The following ANGPT1 variants were observed in gnomAD, a reference collection of about 807,000 sequenced individuals.
ANGPT1 encodes angiopoietin 1, also known as angiopoietin-1.
ANGPT1 carries 17 observed loss-of-function variants against 62.2 expected under a neutral mutation model. The observed-to-expected ratio is 0.27, with a 90% CI of 0.19 to 0.41. ANGPT1 has a LOEUF of 0.41. Among genes scored for constraint, ANGPT1 ranks in the 10% least tolerant of loss-of-function variants. The probability of loss-of-function intolerance (pLI) is 1.00; values close to 1 mark genes in which losing one functional copy is unlikely to be tolerated. For missense variants in ANGPT1, 478 were observed against 594.9 expected, an observed-to-expected ratio of 0.80 and a Z score of 2.04; for synonymous variants, 199 against 198.9, an observed-to-expected ratio of 1.00 and a Z score of 0.00.
intron 1 of ANGPT1, among the ~76,000 whole-genome samples, chr8:107,450,038 A>T (rs1202782194): frequency 6.6e-6 from 1 of 152,020 alleles, no homozygotes; most frequent in African/African-American, 2.4e-5. Flanking sequence ...AAAATATGAA[A>T]ATTAGTGTTT....
chr8:107,426,855 C>T (rs980069437), intron 1 of ANGPT1, among the ~76,000 whole-genome samples: 4 of 152,208 alleles, frequency 2.6e-5, no homozygotes, highest in Admixed American at 2.0e-4. Context: ...ACAAACACTA[C>T]TCTTTTTCAA....
At chr8:107,475,543 A>G (rs1326949319) in intron 1 of ANGPT1, among the ~76,000 whole-genome samples, 1 of 152,238 alleles carries the variant, frequency 6.6e-6, no homozygotes, top group Non-Finnish European at 1.5e-5. Flanking sequence ...CTTCATGTCT[A>G]AAACACCAAA....
chr8:107,283,874 T>G (rs1156653427), intron 7 of ANGPT1: 1 of 152,124 alleles, frequency 6.6e-6, no homozygotes, highest in Non-Finnish European at 1.5e-5. Flanking sequence ...TGCCAGCCAG[T>G]TTTTAGTGAC....
At chr8:107,339,497 C>A (rs765395511) in intron 2 of ANGPT1, among the ~76,000 whole-genome samples, 3 of 152,166 alleles carry the variant, frequency 2.0e-5, no homozygotes, top group African/African-American at 7.2e-5. Context: ...CTGATTTCTT[C>A]TCATCATCTT....
chr8:107,367,722 A>G (rs183248959), intron 1 of ANGPT1, among the ~76,000 whole-genome samples: 30 of 152,354 alleles, frequency 2.0e-4, no homozygotes, highest in Non-Finnish European at 1.5e-4. Context: ...CATTTCAACA[A>G]TGTTCATGGT....
intron 1 of ANGPT1, among the ~76,000 whole-genome samples, chr8:107,375,734 A>G (rs1307107667): frequency 6.6e-6 from 1 of 152,148 alleles, no homozygotes; most frequent in Non-Finnish European, 1.5e-5. Flanking sequence ...AGCAGAGAGG[A>G]AAGTACCAGC....
chr8:107,335,559 G>C (rs1032785403), intron 3 of ANGPT1, among the ~76,000 whole-genome samples: 1 of 152,132 alleles, frequency 6.6e-6, no homozygotes, highest in African/African-American at 2.4e-5. Context: ...TATAAAACAA[G>C]ATGGTGTGAT....
chr8:107,263,438 G>A (rs1813543337), intron 8 of ANGPT1, among the ~76,000 whole-genome samples: 2 of 150,628 alleles, frequency 1.3e-5, no homozygotes, highest in African/African-American at 4.9e-5. Context: ...TTTTAGGTAT[G>A]TGCCATTGCT....
intron 1 of ANGPT1, among the ~76,000 whole-genome samples, chr8:107,438,003 C>T (rs1273531748): frequency 1.3e-5 from 2 of 152,164 alleles, no homozygotes; most frequent in African/African-American, 4.8e-5. Context: ...CTAGCACACT[C>T]TGGCGTGGAG....
intron 7 of ANGPT1, among the ~76,000 whole-genome samples, chr8:107,279,644 C>G (rs535135321): frequency 6.6e-6 from 1 of 151,970 alleles, no homozygotes; most frequent in East Asian, 1.9e-4. Flanking sequence ...ATATAGCTAG[C>G]TTAGTCAGTA....
At chr8:107,421,599 T>C (rs766335764) in intron 1 of ANGPT1, among the ~76,000 whole-genome samples, 1 of 151,756 alleles carries the variant, frequency 6.6e-6, no homozygotes, top group Non-Finnish European at 1.5e-5. Context: ...AAAAGAGGAG[T>C]CTTGCTGGTA....
intron 1 of ANGPT1, among the ~76,000 whole-genome samples, chr8:107,387,990 G>A (rs1412176316): frequency 6.6e-6 from 1 of 151,986 alleles, no homozygotes; most frequent in African/African-American, 2.4e-5. Flanking sequence ...CTATTTAAGA[G>A]TATGAATAAG....
intron 1 of ANGPT1, among the ~76,000 whole-genome samples, chr8:107,443,773 C>A (rs1384073048): frequency 2.7e-5 from 4 of 149,078 alleles, no homozygotes; most frequent in Non-Finnish European, 4.4e-5. Flanking sequence ...GAGCTGAGAT[C>A]ATGCCATTGC....
At chr8:107,365,890 C>CACACAG (rs71308725) in intron 1 of ANGPT1, among the ~76,000 whole-genome samples, 1 of 148,922 alleles carries the variant, frequency 6.7e-6, no homozygotes, top group Non-Finnish European at 1.5e-5. Context: ...CACACACACA[C>CACACAG]GATTTTGCCT....
chr8:107,343,230 C>G (rs1345389448), intron 2 of ANGPT1, among the ~76,000 whole-genome samples: 2 of 151,922 alleles, frequency 1.3e-5, no homozygotes, highest in East Asian at 3.9e-4. Flanking sequence ...ATTAAACATG[C>G]AGGAAATATA....
At chr8:107,377,204 C>T (rs1449026037) in intron 1 of ANGPT1, among the ~76,000 whole-genome samples, 1 of 152,158 alleles carries the variant, frequency 6.6e-6, no homozygotes, top group Non-Finnish European at 1.5e-5. Flanking sequence ...ACAAAAAATT[C>T]TAAGTATACA....
At chr8:107,468,378 AAGTC>A (rs1812260827) in intron 1 of ANGPT1, among the ~76,000 whole-genome samples, 1 of 152,028 alleles carries the variant, frequency 6.6e-6, no homozygotes, top group Admixed American at 6.6e-5. Context: ...TTAAATTAAA[AAGTC>A]AGATCAAACC....
intron 7 of ANGPT1, chr8:107,284,468 A>G (rs138736358): frequency 2.1e-5 from 7 of 326,482 alleles, no homozygotes; most frequent in African/African-American, 1.1e-4. Context: ...ATTTAAGCCA[A>G]TATCAAAGAT....
At chr8:107,301,077 A>G (rs1317163054) in intron 5 of ANGPT1, among the ~76,000 whole-genome samples, 1 of 151,932 alleles carries the variant, frequency 6.6e-6, no homozygotes. Flanking sequence ...TATATGAACT[A>G]AAGTCCATAG....
Sources: allele counts gnomAD v4.1 joint callset (sites outside exome capture counted in the v4.1 genomes callset), GRCh38; gene constraint gnomAD v4.1.1; transcripts MANE v1.5; gene names NCBI Gene and HGNC (gene_info 2026-07-23, HGNC 2026-07-21).